The following EFL1 variants were observed in gnomAD, a reference collection of about 807,000 sequenced individuals.
EFL1 encodes elongation factor like GTPase 1.
In EFL1, 76 loss-of-function variants were observed where a neutral mutation model predicts 126.7. That is an observed-to-expected ratio of 0.60 (90% confidence interval 0.50 to 0.73). EFL1 has a LOEUF of 0.73. Among genes scored for constraint, EFL1 ranks in the 30% least tolerant of loss-of-function variants. The probability of loss-of-function intolerance (pLI) is 0.00; values close to 1 mark genes in which losing one functional copy is unlikely to be tolerated. For synonymous variants in EFL1, 410 were observed against 448.4 expected, an observed-to-expected ratio of 0.91 and a Z score of 1.08; for missense variants, 1,128 against 1,343.2, an observed-to-expected ratio of 0.84 and a Z score of 2.50.
chr15:82,169,054 T>C (rs918895732), intron 15 of EFL1, among the ~76,000 whole-genome samples: 5 of 152,078 alleles, frequency 3.3e-5, no homozygotes, highest in Non-Finnish European at 7.4e-5. Context: ...ACAGCCAGAC[T>C]ACCATCATTC....
At chr15:82,236,384 T>A (rs1267344398) in intron 7 of EFL1, among the ~76,000 whole-genome samples, 1 of 152,178 alleles carries the variant, frequency 6.6e-6, no homozygotes, top group Non-Finnish European at 1.5e-5. Flanking sequence ...TTAAAAATAA[T>A]GTGGACAGAA....
intron 17 of EFL1, among the ~76,000 whole-genome samples, chr15:82,154,396 G>C (rs963318026): frequency 1.3e-5 from 2 of 152,190 alleles, no homozygotes; most frequent in Non-Finnish European, 2.9e-5. Flanking sequence ...CATTCCTGAA[G>C]ATGTGTGTAG....
At chr15:82,212,006 C>A (rs1448605262) in intron 15 of EFL1, among the ~76,000 whole-genome samples, 1 of 152,040 alleles carries the variant, frequency 6.6e-6, no homozygotes, top group African/African-American at 2.4e-5. Context: ...TTTTTTTAAG[C>A]CACTGGGAAA....
chr15:82,206,534 A>G (rs2074526685), intron 15 of EFL1, among the ~76,000 whole-genome samples: 1 of 152,256 alleles, frequency 6.6e-6, no homozygotes, highest in South Asian at 2.1e-4. Flanking sequence ...TATGTATCTC[A>G]TTTGGCAGGG....
chr15:82,217,373 G>GAAAAAAAA, intron 14 of EFL1, among the ~76,000 whole-genome samples: 30 of 27,144 alleles, frequency 1.1e-3, no homozygotes, highest in African/African-American at 2.5e-3. Flanking sequence ...GATTAGATTT[G>GAAAAAAAA]AAAAAAAAAA....
intron 18 of EFL1, among the ~76,000 whole-genome samples, chr15:82,149,321 G>C (rs578229133): frequency 6.6e-6 from 1 of 152,116 alleles, no homozygotes; most frequent in African/African-American, 2.4e-5. Flanking sequence ...ACAACTACAT[G>C]ATTTCTACAG....
intron 7 of EFL1, among the ~76,000 whole-genome samples, chr15:82,237,501 GACA>G (rs1351951109): frequency 2.0e-5 from 3 of 152,182 alleles, no homozygotes; most frequent in African/African-American, 4.8e-5. Context: ...TGAAAACGGT[GACA>G]ACACCAAACG....
chr15:82,256,976 TG>T (rs1200599965), intron 3 of EFL1, among the ~76,000 whole-genome samples: 1 of 152,222 alleles, frequency 6.6e-6, no homozygotes, highest in Non-Finnish European at 1.5e-5. Context: ...TATCTTCATA[TG>T]ATTTGGAGAA....
chr15:82,151,476 C>T lies in EFL1; in HGVS notation c.2978G>A (p.Gly993Asp). Residue 993 changes from glycine (G) to aspartate (D), a missense_variant, in exon 18 of 20, where the codon GGT (glycine) becomes GAT (aspartate). Gly to Asp is a moderately conservative substitution (Grantham distance 94). Transcript: ENST00000268206. ...CTTTTCTTCCTTACCGAGAACATCACCAGTGGCCATGATGTCACATGTGTA... is the reference window on the plus strand; with the variant it reads ...CTTTTCTTCCTTACCGAGAACATCATCAGTGGCCATGATGTCACATGTGTA... ...AMYTCDIMATGDVLGRVYAVL... is the reference protein window; with the variant it reads ...AMYTCDIMATDDVLGRVYAVL... 1 of 1,609,704 alleles carries T rather than the reference C, an allele frequency of 6.2e-7. No individual in the cohort carries two copies.
intron 15 of EFL1, among the ~76,000 whole-genome samples, chr15:82,172,394 CCT>C (rs1252332461): frequency 6.6e-6 from 1 of 152,142 alleles, no homozygotes; most frequent in Non-Finnish European, 1.5e-5. Flanking sequence ...CCATACAACC[CCT>C]CTCTAGGTGA....
chr15:82,222,088 G>T (rs1369675412), intron 12 of EFL1, among the ~76,000 whole-genome samples: 2 of 152,100 alleles, frequency 1.3e-5, no homozygotes, highest in Non-Finnish European at 2.9e-5. Flanking sequence ...TATTAGAGTA[G>T]GAAGGAAAAA....
At chr15:82,193,294 T>C (rs376837335) in intron 15 of EFL1, among the ~76,000 whole-genome samples, 22 of 152,302 alleles carry the variant, frequency 1.4e-4, no homozygotes, top group South Asian at 6.2e-4. Flanking sequence ...TTAATACATA[T>C]TGAGCACCAC....
chr15:82,244,927 G>A (rs2074957831), intron 4 of EFL1, among the ~76,000 whole-genome samples: 1 of 152,124 alleles, frequency 6.6e-6, no homozygotes, highest in Admixed American at 6.5e-5. Flanking sequence ...TGAAGTTATG[G>A]AAGAAGATCT....
At chr15:82,143,283 T>C (rs1456123448) in intron 18 of EFL1, among the ~76,000 whole-genome samples, 1 of 152,122 alleles carries the variant, frequency 6.6e-6, no homozygotes, top group Non-Finnish European at 1.5e-5. Flanking sequence ...AAATAAATAA[T>C]AAACCTAAAA....
chr15:82,203,089 G>GCGTCA (rs2074487722), intron 15 of EFL1, among the ~76,000 whole-genome samples: 1 of 152,070 alleles, frequency 6.6e-6, no homozygotes, highest in Non-Finnish European at 1.5e-5. Flanking sequence ...GGGATTACAG[G>GCGTCA]CGTGACCCAC....
At chr15:82,147,063 T>C (rs2073854643) in intron 18 of EFL1, among the ~76,000 whole-genome samples, 1 of 151,976 alleles carries the variant, frequency 6.6e-6, no homozygotes, top group East Asian at 1.9e-4. Context: ...AATGAGAAAA[T>C]GAACACAGAG....
intron 15 of EFL1, chr15:82,174,469 A>C (rs2074172679): frequency 6.6e-6 from 1 of 152,196 alleles, no homozygotes; most frequent in African/African-American, 2.4e-5. Context: ...GAATGCTCAC[A>C]TTGTTTGAAT....
At chr15:82,220,736 T>C (rs2074702702) in intron 12 of EFL1, among the ~76,000 whole-genome samples, 1 of 147,262 alleles carries the variant, frequency 6.8e-6, no homozygotes, top group Non-Finnish European at 1.5e-5. Context: ...GAAAAGGCAG[T>C]GTGTGGGTGT....
chr15:82,179,491 G>A (rs1479610188), intron 15 of EFL1, among the ~76,000 whole-genome samples: 1 of 152,118 alleles, frequency 6.6e-6, no homozygotes. Flanking sequence ...GTAGCATGGG[G>A]AAAGGCTCAT....
Sources: allele counts gnomAD v4.1 joint callset (sites outside exome capture counted in the v4.1 genomes callset), GRCh38; gene constraint gnomAD v4.1.1; transcripts MANE v1.5; gene names NCBI Gene and HGNC (gene_info 2026-07-23, HGNC 2026-07-21).